ANK3: variants seen among roughly 807,000 people sequenced by gnomAD.
The protein encoded by ANK3 is ankyrin-3.
In ANK3, 57 loss-of-function variants were observed where a neutral mutation model predicts 370.9. The observed-to-expected ratio is 0.15, with a 90% CI of 0.12 to 0.19. The LOEUF is 0.19. Ranked by LOEUF, ANK3 falls within the 10% of genes least tolerant of loss-of-function variation. ANK3 has a pLI of 1.00. For synonymous variants in ANK3, 1,929 were observed against 1,946.3 expected, an observed-to-expected ratio of 0.99 and a Z score of 0.23; for missense variants, 4,439 against 5,302.1, an observed-to-expected ratio of 0.84 and a Z score of 5.06.
chr10:60,683,916 A>G (rs74155691), intron 1 of ANK3, among the ~76,000 whole-genome samples: 1,792 of 152,298 alleles, frequency 0.012, 35 homozygotes, highest in African/African-American at 0.04. Context: ...GGACAGACAG[A>G]AGGAAGGAAG....
At chr10:60,185,431 A>G (rs1360383249) in intron 17 of ANK3, among the ~76,000 whole-genome samples, 1 of 152,216 alleles carries the variant, frequency 6.6e-6, no homozygotes, top group Non-Finnish European at 1.5e-5. Flanking sequence ...TCCATGTACT[A>G]AAGGACAAAA....
intron 2 of ANK3, among the ~76,000 whole-genome samples, chr10:60,428,362 C>A (rs950699726): frequency 4.6e-5 from 7 of 152,170 alleles, no homozygotes; most frequent in African/African-American, 1.7e-4. Context: ...AAACACAACT[C>A]CTCATTTTAC....
chr10:60,524,262 A>G (rs2076417866), intron 2 of ANK3, among the ~76,000 whole-genome samples: 1 of 152,118 alleles, frequency 6.6e-6, no homozygotes, highest in African/African-American at 2.4e-5. Context: ...TTATCAGGCA[A>G]GTCTGAGAAA....
At chr10:60,553,309 CGAA>C (rs1359660668) in intron 2 of ANK3, among the ~76,000 whole-genome samples, 1 of 152,134 alleles carries the variant, frequency 6.6e-6, no homozygotes, top group Non-Finnish European at 1.5e-5. Context: ...AGTGAAAAAA[CGAA>C]GAAAACACTT....
At chr10:60,713,654 C>T (rs1040060997) in intron 1 of ANK3, among the ~76,000 whole-genome samples, 58 of 152,234 alleles carry the variant, frequency 3.8e-4, no homozygotes, top group African/African-American at 1.4e-3. Context: ...CTTTGGGATG[C>T]CAAGGCGGGC....
At chr10:60,451,522 T>G (rs1217432371) in intron 2 of ANK3, among the ~76,000 whole-genome samples, 1 of 152,198 alleles carries the variant, frequency 6.6e-6, no homozygotes, top group Non-Finnish European at 1.5e-5. Context: ...CCAGGAAAAG[T>G]GTAGAAGCTA....
At chr10:60,518,035 G>A (rs1002295110) in intron 2 of ANK3, among the ~76,000 whole-genome samples, 12 of 152,072 alleles carry the variant, frequency 7.9e-5, no homozygotes, top group African/African-American at 2.7e-4. Flanking sequence ...ATGACTCACT[G>A]GCTTAGCAAA....
chr10:60,157,886 A>AAGAGAG (rs59965251), intron 23 of ANK3, among the ~76,000 whole-genome samples: 3,919 of 132,752 alleles, frequency 0.03, 86 homozygotes, highest in South Asian at 0.074. Context: ...GAGAGAGAAA[A>AAGAGAG]AGAGAGAGAG....
chr10:60,535,281 C>A (rs910066534), intron 2 of ANK3, among the ~76,000 whole-genome samples: 3 of 151,994 alleles, frequency 2.0e-5, no homozygotes, highest in African/African-American at 4.8e-5. Context: ...CTATATGAGC[C>A]ACATCCAGAA....
chr10:60,682,799 A>G (rs1260168227), intron 1 of ANK3, among the ~76,000 whole-genome samples: 1 of 152,184 alleles, frequency 6.6e-6, no homozygotes, highest in African/African-American at 2.4e-5. Context: ...GGCCCTATGC[A>G]TGTTTCCATC....
intron 1 of ANK3, among the ~76,000 whole-genome samples, chr10:60,672,968 T>C (rs1358778106): frequency 6.6e-6 from 1 of 152,144 alleles, no homozygotes; most frequent in Non-Finnish European, 1.5e-5. Context: ...GACTGTTCAC[T>C]GTTCACTGTT....
At chr10:60,438,362 A>G (rs1002481465) in intron 2 of ANK3, among the ~76,000 whole-genome samples, 1 of 152,152 alleles carries the variant, frequency 6.6e-6, no homozygotes, top group African/African-American at 2.4e-5. Context: ...AACTCCACTT[A>G]CAATTAGGCC....
At chr10:60,492,877 C>T (rs1408236580) in intron 2 of ANK3, among the ~76,000 whole-genome samples, 2 of 150,090 alleles carry the variant, frequency 1.3e-5, no homozygotes, top group Admixed American at 6.6e-5. Context: ...GAGATCGAGA[C>T]CATCCTGGTT....
intron 2 of ANK3, among the ~76,000 whole-genome samples, chr10:60,414,705 T>C (rs1474341975): frequency 6.6e-6 from 1 of 152,182 alleles, no homozygotes; most frequent in Non-Finnish European, 1.5e-5. Flanking sequence ...TTACTTTATA[T>C]ATTACTGGAT....
chr10:60,442,639 C>G (rs2064328873), intron 2 of ANK3, among the ~76,000 whole-genome samples: 1 of 152,100 alleles, frequency 6.6e-6, no homozygotes, highest in African/African-American at 2.4e-5. Flanking sequence ...AATTTTAACT[C>G]AGTATTGTAT....
intron 2 of ANK3, among the ~76,000 whole-genome samples, chr10:60,541,510 T>C (rs1318370470): frequency 1.3e-5 from 2 of 151,932 alleles, no homozygotes; most frequent in Non-Finnish European, 2.9e-5. Flanking sequence ...AAGAAAGAAA[T>C]CTAGTGATTT....
intron 2 of ANK3, among the ~76,000 whole-genome samples, chr10:60,502,072 T>A (rs1437500272): frequency 6.6e-6 from 1 of 151,700 alleles, no homozygotes; most frequent in Admixed American, 6.6e-5. Context: ...TACCCCAAAT[T>A]TAAGCAAAAT....
intron 43 of ANK3, among the ~76,000 whole-genome samples, chr10:60,037,528 T>C (rs1401543559): frequency 6.6e-6 from 1 of 152,206 alleles, no homozygotes; most frequent in East Asian, 1.9e-4. Flanking sequence ...TTCCACTAAA[T>C]GAGAACATAT....
At chr10:60,081,840 C>T (rs1249846274) in intron 35 of ANK3, 1 of 241,622 alleles carries the variant, frequency 4.1e-6, no homozygotes, top group African/African-American at 2.3e-5. Context: ...CACTATTGCA[C>T]TTGACTTGTC....
Sources: gnomAD v4.1 joint callset for allele counts (sites outside exome capture counted in the v4.1 genomes callset) on GRCh38, gnomAD v4.1.1 for gene constraint, MANE v1.5 for transcripts, NCBI Gene and HGNC (gene_info 2026-07-23, HGNC 2026-07-21) for gene names.